The following PIP4K2A variants were observed in gnomAD, a reference collection of about 807,000 sequenced individuals.
The protein encoded by PIP4K2A is phosphatidylinositol-5-phosphate 4-kinase type 2 alpha, also known as phosphatidylinositol 5-phosphate 4-kinase type-2 alpha.
Under a neutral mutation model 42.9 loss-of-function variants are expected in PIP4K2A, and 14 were observed. That is an observed-to-expected ratio of 0.33 (90% CI 0.22 to 0.51). PIP4K2A has a LOEUF of 0.51. Ranked by LOEUF, PIP4K2A falls within the 20% of genes least tolerant of loss-of-function variation. The pLI is 0.97. For missense variants in PIP4K2A, 434 were observed against 519.8 expected (o/e 0.83, Z 1.61); for synonymous variants, 192 against 192.2 (o/e 1.00, Z 0.01).
chr10:22,642,208 G>A (rs765735175), intron 1 of PIP4K2A: 7 of 152,130 alleles, frequency 4.6e-5, no homozygotes, highest in African/African-American at 7.2e-5. Context: ...ATGCACCCTC[G>A]GATCCTGGAG....
At chr10:22,641,017 T>A (rs968900023) in intron 1 of PIP4K2A, among the ~76,000 whole-genome samples, 3 of 152,252 alleles carry the variant, frequency 2.0e-5, no homozygotes, top group Admixed American at 6.5e-5. Context: ...TCCAATTACA[T>A]TATCAAGCCT....
intron 1 of PIP4K2A, among the ~76,000 whole-genome samples, chr10:22,699,598 A>G (rs1833672213): frequency 6.6e-6 from 1 of 152,128 alleles, no homozygotes; most frequent in Non-Finnish European, 1.5e-5. Context: ...TTAGAGCAGT[A>G]TCTTCAAACC....
chr10:22,571,908 T>C (rs1836996837), intron 5 of PIP4K2A, among the ~76,000 whole-genome samples: 1 of 152,222 alleles, frequency 6.6e-6, no homozygotes, highest in Admixed American at 6.5e-5. Flanking sequence ...TGCAAAAATG[T>C]AAAACAATGC....
intron 7 of PIP4K2A, among the ~76,000 whole-genome samples, chr10:22,547,123 T>A (rs978677271): frequency 6.6e-6 from 1 of 152,232 alleles, no homozygotes; most frequent in Non-Finnish European, 1.5e-5. Context: ...TCCTTCACAA[T>A]GGTTCTCAAC....
intron 6 of PIP4K2A, among the ~76,000 whole-genome samples, chr10:22,553,789 CTTTTTTTTTTT>C (rs3074629): frequency 8.4e-6 from 1 of 118,520 alleles, no homozygotes; most frequent in Non-Finnish European, 1.7e-5. Flanking sequence ...GGTTGAAAAA[CTTTTTTTTTTT>C]TTTTTTTTTT....
intron 1 of PIP4K2A, among the ~76,000 whole-genome samples, chr10:22,707,271 TGA>T (rs1833839520): frequency 1.3e-5 from 2 of 152,214 alleles, no homozygotes; most frequent in African/African-American, 2.4e-5. Flanking sequence ...ATCAAGGAAC[TGA>T]GAGGCAAAAT....
At chr10:22,651,384 T>C (rs1398347067) in intron 1 of PIP4K2A, among the ~76,000 whole-genome samples, 1 of 152,194 alleles carries the variant, frequency 6.6e-6, no homozygotes, top group Non-Finnish European at 1.5e-5. Flanking sequence ...AAGCCCTACC[T>C]GACCCCACCT....
At chr10:22,585,574 A>G (rs1407170755) in intron 4 of PIP4K2A, among the ~76,000 whole-genome samples, 1 of 151,910 alleles carries the variant, frequency 6.6e-6, no homozygotes, top group African/African-American at 2.4e-5. Flanking sequence ...GTCCTATACA[A>G]CTTCAGGGAA....
chr10:22,651,380 T>C (rs964393415), intron 1 of PIP4K2A, among the ~76,000 whole-genome samples: 2 of 152,216 alleles, frequency 1.3e-5, no homozygotes, highest in African/African-American at 4.8e-5. Flanking sequence ...CTCAAAGCCC[T>C]ACCTGACCCC....
chr10:22,558,485 C>T (rs1269594135), intron 6 of PIP4K2A, among the ~76,000 whole-genome samples: 2 of 152,154 alleles, frequency 1.3e-5, no homozygotes, highest in Non-Finnish European at 2.9e-5. Context: ...CTTCTTGGAA[C>T]ATCTAAGCCA....
At chr10:22,632,576 G>A (rs1037053082) in intron 1 of PIP4K2A, among the ~76,000 whole-genome samples, 2 of 152,152 alleles carry the variant, frequency 1.3e-5, no homozygotes, top group Non-Finnish European at 2.9e-5. Context: ...ACACCCCACT[G>A]GGATAAGCAA....
Position 22,540,039 on chromosome 10 carries a change from T to TA in PIP4K2A, c.1071dup (p.Ile358TyrfsTer2). On this transcript the variant is annotated frameshift_variant, in exon 9 of 10. Coordinates refer to ENST00000376573, the MANE Select transcript of PIP4K2A (RefSeq NM_005028.5). LOFTEE classifies it high-confidence loss of function. ...GCATCATAATGAGTAAGGATGTCAATAATTGCCATGAAGTACACCTCCTTC... is the reference window on the plus strand; with the variant it reads ...GCATCATAATGAGTAAGGATGTCAATAAATTGCCATGAAGTACACCTCCTTC... The TA allele has an allele frequency of 1.2e-6, 2 of 1,612,534 alleles. No individual in the cohort carries two copies. The highest frequency in any genetic ancestry group is 1.7e-6 in the Non-Finnish European group (2 of 1,178,702).
At chr10:22,542,167 C>A in intron 7 of PIP4K2A, 120 bp from the exon 8 acceptor site, 1 of 771,738 alleles carries the variant, frequency 1.3e-6, no homozygotes, top group Non-Finnish European at 2.1e-6. Flanking sequence ...GCAGAGGCGC[C>A]GGGTGCCTCC....
intron 6 of PIP4K2A, among the ~76,000 whole-genome samples, chr10:22,559,568 T>C (rs80089600): frequency 0.011 from 1,747 of 152,312 alleles, 21 homozygotes; most frequent in Middle Eastern, 0.044. Context: ...TTACGAGATA[T>C]TCTAAATGAA....
At chr10:22,545,289 G>A (rs1217828474) in intron 7 of PIP4K2A, among the ~76,000 whole-genome samples, 4 of 152,238 alleles carry the variant, frequency 2.6e-5, no homozygotes, top group South Asian at 2.1e-4. Flanking sequence ...GGAAGCGCAA[G>A]GTGACCATTT....
chr10:22,596,259 G>A (rs1214438730), intron 3 of PIP4K2A, among the ~76,000 whole-genome samples: 1 of 149,530 alleles, frequency 6.7e-6, no homozygotes, highest in African/African-American at 2.5e-5. Flanking sequence ...GTTGCTCTAG[G>A]AAATGCTGTA....
chr10:22,643,924 G>C (rs532410728), intron 1 of PIP4K2A, among the ~76,000 whole-genome samples: 212 of 152,176 alleles, frequency 1.4e-3, no homozygotes, highest in African/African-American at 4.5e-3. Flanking sequence ...CCCTTGGAGG[G>C]TTTATCATCC....
intron 1 of PIP4K2A, among the ~76,000 whole-genome samples, chr10:22,690,015 T>C (rs1184152444): frequency 6.6e-6 from 1 of 152,158 alleles, no homozygotes; most frequent in African/African-American, 2.4e-5. Flanking sequence ...TAACTGCTTG[T>C]CCAAAGACAT....
chr10:22,659,932 T>C (rs1346878568), intron 1 of PIP4K2A, among the ~76,000 whole-genome samples: 5 of 152,134 alleles, frequency 3.3e-5, no homozygotes, highest in Non-Finnish European at 5.9e-5. Context: ...CAGGGCTGGC[T>C]ATCTTTAATT....
Sources: gnomAD v4.1 joint callset for allele counts (sites outside exome capture counted in the v4.1 genomes callset) on GRCh38, gnomAD v4.1.1 for gene constraint, MANE v1.5 for transcripts, NCBI Gene and HGNC (gene_info 2026-07-23, HGNC 2026-07-21) for gene names.